The following KLF8 variants were observed in gnomAD, a reference collection of about 807,000 sequenced individuals.
KLF8 encodes KLF transcription factor 8.
A neutral mutation model predicts 18.2 loss-of-function variants in KLF8; 10 were observed. The observed-to-expected ratio is 0.55, with a 90% CI of 0.34 to 0.93. KLF8 has a LOEUF of 0.93. Ranked by LOEUF, KLF8 falls within the 40% of genes least tolerant of loss-of-function variation. The probability of loss-of-function intolerance (pLI) is 0.02; values close to 1 mark genes in which losing one functional copy is unlikely to be tolerated. For synonymous variants in KLF8, 109 were observed against 97.3 expected, an observed-to-expected ratio of 1.12 and a Z score of -0.71; for missense variants, 264 against 277.9, an observed-to-expected ratio of 0.95 and a Z score of 0.36.
chrX:56,125,383 A>T, the KLF8 span, among the ~76,000 whole-genome samples: 3 of 111,862 alleles, frequency 2.7e-5, no homozygotes, highest in Admixed American at 2.8e-4. Flanking sequence ...TATACTAAAG[A>T]TGGAATAGAT....
chrX:55,908,589 C>T, the KLF8 span: 71 of 295,967 alleles, frequency 2.4e-4, no homozygotes, highest in African/African-American at 1.9e-3. Flanking sequence ...GGCTAACACT[C>T]TTTACACTCT....
chrX:56,046,736 G>A, the KLF8 span, among the ~76,000 whole-genome samples: 3 of 111,534 alleles, frequency 2.7e-5, no homozygotes, highest in Non-Finnish European at 5.7e-5. Flanking sequence ...TAGGGATTCT[G>A]TGGAGAAATT....
chrX:56,184,530 C>A, the KLF8 span, among the ~76,000 whole-genome samples: 1 of 112,182 alleles, frequency 8.9e-6, no homozygotes, highest in Non-Finnish European at 1.9e-5. Context: ...GTGGTTCTCC[C>A]AACACGCAGC....
chrX:56,043,240 TA>T, the KLF8 span, among the ~76,000 whole-genome samples: 1 of 110,489 alleles, frequency 9.1e-6, no homozygotes, highest in Non-Finnish European at 1.9e-5. Flanking sequence ...TGGCTGCCCT[TA>T]AAATTTTTTT....
chrX:56,057,056 TA>T, the KLF8 span, among the ~76,000 whole-genome samples: 9 of 37,751 alleles, frequency 2.4e-4, no homozygotes. Context: ...GGACTGCCTC[TA>T]TGTGAGTGTT....
chrX:56,076,021 A>T, the KLF8 span, among the ~76,000 whole-genome samples: 1 of 108,860 alleles, frequency 9.2e-6, no homozygotes, highest in Non-Finnish European at 1.9e-5. Flanking sequence ...ATGTGTTCTC[A>T]TTGTGCAATT....
the KLF8 span, among the ~76,000 whole-genome samples, chrX:56,050,487 C>G: frequency 8.9e-6 from 1 of 112,087 alleles, no homozygotes; most frequent in East Asian, 2.8e-4. Context: ...TCATTGGTTA[C>G]AAAGAACATC....
the KLF8 span, among the ~76,000 whole-genome samples, chrX:56,048,811 A>T: frequency 9.0e-6 from 1 of 111,721 alleles, no homozygotes; most frequent in Non-Finnish European, 1.9e-5. Flanking sequence ...GAAGAAAGTC[A>T]TTGGTAGCTT....
chrX:55,951,088 C>T, the KLF8 span, among the ~76,000 whole-genome samples: 5 of 111,454 alleles, frequency 4.5e-5, no homozygotes, highest in African/African-American at 1.6e-4. Context: ...AAAGTCTTTT[C>T]CTGTAACACT....
At chrX:55,954,066 T>C in the KLF8 span, among the ~76,000 whole-genome samples, 2 of 109,570 alleles carry the variant, frequency 1.8e-5, no homozygotes, top group African/African-American at 6.6e-5. Flanking sequence ...TTGTAAGGAG[T>C]CTGAGATCCA....
the KLF8 span, among the ~76,000 whole-genome samples, chrX:56,139,707 A>C: frequency 5.4e-5 from 6 of 112,021 alleles, no homozygotes; most frequent in Non-Finnish European, 1.1e-4. Context: ...TGTTCTGTAC[A>C]TAGGACATGG....
Position 56,286,421 on chromosome X carries a change from G to A in KLF8, c.*1927G>A, listed in dbSNP as rs2067268988. 8.9e-6 allele frequency: 1 copy of A among 112,095 alleles called. No individual in the cohort carries two copies. The highest frequency in any genetic ancestry group is 3.2e-5 in the African/African-American group (1 of 30,824). The allele number at this position is 112,095 out of a possible 1,213,427, so 9.2% of individuals were successfully genotyped here. A position where few individuals can be genotyped will look rare whatever the true frequency, so the allele number is the denominator to read the frequency against. ...CCCCACCTCGGCCTCCCAAAGTGCT[G>A]GGATCACAGGTGTGAGTCACCACAC... On this transcript the variant is annotated 3_prime_UTR_variant, in exon 6 of 6. Coordinates refer to ENST00000468660, the MANE Select transcript of KLF8 (RefSeq NM_007250.5).
At chrX:55,984,035 TATA>T in the KLF8 span, among the ~76,000 whole-genome samples, 1 of 109,234 alleles carries the variant, frequency 9.2e-6, no homozygotes, top group Admixed American at 9.9e-5. Context: ...TGTGTATATA[TATA>T]ATGATATGGT....
the KLF8 span, among the ~76,000 whole-genome samples, chrX:56,164,842 G>C: frequency 3.5e-5 from 3 of 86,704 alleles, no homozygotes; most frequent in African/African-American, 1.3e-4. Flanking sequence ...ATGCTGGTGC[G>C]CTGCACCCAC....
At chrX:56,054,285 A>G in the KLF8 span, among the ~76,000 whole-genome samples, 1 of 111,382 alleles carries the variant, frequency 9.0e-6, no homozygotes, top group Non-Finnish European at 1.9e-5. Context: ...GGGATGTTGT[A>G]TCTTTATTCT....
At chrX:55,911,628 A>T in the KLF8 span, among the ~76,000 whole-genome samples, 1 of 111,829 alleles carries the variant, frequency 8.9e-6, no homozygotes, top group Non-Finnish European at 1.9e-5. Context: ...GGAACTCAGA[A>T]GGAGAGAAGA....
the KLF8 span, among the ~76,000 whole-genome samples, chrX:56,109,560 T>C: frequency 9.0e-6 from 1 of 111,456 alleles, no homozygotes; most frequent in Admixed American, 9.6e-5. Flanking sequence ...TCTTTCTAAA[T>C]GTTCGATTAT....
chrX:55,932,811 C>T, the KLF8 span, among the ~76,000 whole-genome samples: 3 of 111,330 alleles, frequency 2.7e-5, no homozygotes, highest in African/African-American at 9.8e-5. Flanking sequence ...TTTTTTTCTT[C>T]ATTTCAGTCT....
the KLF8 span, among the ~76,000 whole-genome samples, chrX:56,105,836 G>T: frequency 9.8e-5 from 11 of 111,799 alleles, no homozygotes; most frequent in Non-Finnish European, 1.9e-4. Context: ...AATTTGGCAT[G>T]CTTTTGCAGT....
Sources: allele counts gnomAD v4.1 joint callset (sites outside exome capture counted in the v4.1 genomes callset), GRCh38; gene constraint gnomAD v4.1.1; transcripts MANE v1.5; gene names NCBI Gene and HGNC (gene_info 2026-07-23, HGNC 2026-07-21).